The following DSE variants were observed in gnomAD, a reference collection of about 807,000 sequenced individuals.
DSE encodes the protein dermatan-sulfate epimerase.
In DSE, 36 loss-of-function variants were observed where a neutral mutation model predicts 84.4. The ratio of observed to expected loss-of-function variants is 0.43; its 90% CI spans 0.33 to 0.56. The LOEUF is 0.56. DSE is among the 20% of genes least tolerant of loss of function. The pLI is 0.06. For missense variants in DSE, 862 were observed against 1,169.6 expected (o/e 0.74, Z 3.84); for synonymous variants, 410 against 430.1 (o/e 0.95, Z 0.58).
At chr6:116,291,534 A>C (rs1774279351) in intron 2 of DSE, among the ~76,000 whole-genome samples, 1 of 151,458 alleles carries the variant, frequency 6.6e-6, no homozygotes. Context: ...ATGGAATCTG[A>C]TAGTTAAAGG....
intron 1 of DSE, among the ~76,000 whole-genome samples, chr6:116,387,245 G>A (rs1055160749): frequency 6.6e-6 from 1 of 152,012 alleles, no homozygotes; most frequent in African/African-American, 2.4e-5. Context: ...GTTGAATTCT[G>A]GAATAGTCTC....
At chr6:116,258,502 G>A in exon 2 of DSE, 1 of 1,144,522 alleles carries the variant, frequency 8.7e-7, no homozygotes, top group Non-Finnish European at 1.3e-6. Context: ...ATCAGCGGTT[G>A]GACTTGGCCA....
At chr6:116,393,866 TA>T (rs1360203908) in intron 1 of DSE, among the ~76,000 whole-genome samples, 1 of 152,262 alleles carries the variant, frequency 6.6e-6, no homozygotes, top group African/African-American at 2.4e-5. Context: ...AGAACTTTTG[TA>T]CTACCATTTG....
At chr6:116,278,452 C>G in intron 2 of DSE, 1 of 1,608,880 alleles carries the variant, frequency 6.2e-7, no homozygotes, top group Non-Finnish European at 8.5e-7. Flanking sequence ...ATTGCTGATG[C>G]CCAAGCACAG....
At chr6:116,275,144 C>A (rs1448959780) in intron 2 of DSE, among the ~76,000 whole-genome samples, 1 of 152,176 alleles carries the variant, frequency 6.6e-6, no homozygotes, top group Non-Finnish European at 1.5e-5. Flanking sequence ...TTCAGACTAG[C>A]CACATTTCAA....
intron 1 of DSE, among the ~76,000 whole-genome samples, chr6:116,257,688 G>T (rs997303385): frequency 6.6e-6 from 1 of 152,084 alleles, no homozygotes; most frequent in African/African-American, 2.4e-5. Context: ...GTTTTGTTTT[G>T]CTGTGTCCTC....
At chr6:116,342,436 C>A (rs1777667379) in intron 2 of DSE, among the ~76,000 whole-genome samples, 1 of 152,028 alleles carries the variant, frequency 6.6e-6, no homozygotes, top group Non-Finnish European at 1.5e-5. Context: ...CACATGCCAC[C>A]ACACCTGGCT....
rs1562213648 is a variant in DSE at position 116,299,557 on chromosome 6, T to TATATATAC, written c.-54+40591_-54+40592insTATATACA. Among the ~76,000 whole-genome samples the TATATATAC allele has an allele frequency of 1.3e-4, 9 of 69,300 alleles. 1 individual carries two copies. The highest frequency in any genetic ancestry group is 1.9e-4 in the Non-Finnish European group (7 of 36,340). 45.5% of individuals were successfully genotyped at this position (69,300 alleles called of 152,430 possible). A position where few individuals can be genotyped will look rare whatever the true frequency, so the allele number is the denominator to read the frequency against. ...ATATATATATATATATATATACACA[T>TATATATAC]ACACACACACACACACATACATATA... On this transcript the variant is annotated intron_variant, in intron 2 of 3. Coordinates refer to the DSE transcript ENST00000430252.
intron 2 of DSE, among the ~76,000 whole-genome samples, chr6:116,326,352 C>T (rs1048014769): frequency 6.6e-6 from 1 of 152,090 alleles, no homozygotes; most frequent in African/African-American, 2.4e-5. Flanking sequence ...TTAACTCCCC[C>T]ACCCCCCACC....
chr6:116,364,502 CAGA>C (rs1228230556), intron 2 of DSE, among the ~76,000 whole-genome samples: 3 of 152,190 alleles, frequency 2.0e-5, no homozygotes, highest in Admixed American at 1.3e-4. Flanking sequence ...AAGGCCTGAG[CAGA>C]AGGAGAAGTC....
At chr6:116,372,312 C>CA (rs1779644183) in intron 1 of DSE, among the ~76,000 whole-genome samples, 1 of 152,008 alleles carries the variant, frequency 6.6e-6, no homozygotes, top group South Asian at 2.1e-4. Context: ...ACTAAAAATA[C>CA]AAAAAATTAG....
chr6:116,281,292 A>T (rs763655156), intron 2 of DSE, among the ~76,000 whole-genome samples: 1 of 152,242 alleles, frequency 6.6e-6, no homozygotes, highest in African/African-American at 2.4e-5. Context: ...ATTCAATCCT[A>T]GAGCCTCCAA....
intron 2 of DSE, chr6:116,400,268 A>G (rs1781512130): frequency 6.6e-6 from 1 of 152,268 alleles, no homozygotes; most frequent in South Asian, 2.1e-4. Context: ...CTTTTCGATT[A>G]GCTTAAATTT....
chr6:116,326,149 C>A (rs1776607825), intron 2 of DSE, among the ~76,000 whole-genome samples: 1 of 152,016 alleles, frequency 6.6e-6, no homozygotes, highest in African/African-American at 2.4e-5. Context: ...TTAGTTTTAT[C>A]TTTTTCTTTC....
chr6:116,357,254 C>T (rs895011143), intron 2 of DSE, among the ~76,000 whole-genome samples: 12 of 152,108 alleles, frequency 7.9e-5, no homozygotes, highest in South Asian at 2.1e-4. Flanking sequence ...AGTTATCAGC[C>T]GGGCACGGTG....
At chr6:116,380,419 A>G (rs530344557) in intron 1 of DSE, among the ~76,000 whole-genome samples, 16 of 152,194 alleles carry the variant, frequency 1.1e-4, no homozygotes, top group Admixed American at 9.8e-4. Flanking sequence ...GGATTGCAGG[A>G]AGGAAGAGGT....
chr6:116,272,758 A>G (rs1772936974), intron 2 of DSE, among the ~76,000 whole-genome samples: 1 of 152,234 alleles, frequency 6.6e-6, no homozygotes, highest in African/African-American at 2.4e-5. Context: ...AGCTATATAT[A>G]ATGATCAGCC....
chr6:116,406,656 G>A (rs1258804289), intron 2 of DSE, among the ~76,000 whole-genome samples: 1 of 152,188 alleles, frequency 6.6e-6, no homozygotes, highest in Non-Finnish European at 1.5e-5. Context: ...CCTTTATAAA[G>A]CTGGGTAGTT....
At chr6:116,419,717 T>C (rs1015973293) in intron 2 of DSE, among the ~76,000 whole-genome samples, 3 of 152,228 alleles carry the variant, frequency 2.0e-5, no homozygotes, top group Non-Finnish European at 4.4e-5. Context: ...AATTTATAAT[T>C]TTTGTAAAGC....
Sources: gnomAD v4.1 joint callset for allele counts (sites outside exome capture counted in the v4.1 genomes callset) on GRCh38, gnomAD v4.1.1 for gene constraint, MANE v1.5 for transcripts, NCBI Gene and HGNC (gene_info 2026-07-23, HGNC 2026-07-21) for gene names.